Variants in DNAH14 observed in about 807,000 individuals in gnomAD.
DNAH14 encodes the protein axonemal beta dynein heavy chain 14.
A neutral mutation model predicts 520.9 loss-of-function variants in DNAH14; 478 were observed. The ratio of observed to expected loss-of-function variants is 0.92; its 90% CI spans 0.85 to 0.99. The LOEUF (loss-of-function observed/expected upper bound fraction) is 0.99. DNAH14 is among the 50% of genes least tolerant of loss of function. The probability of loss-of-function intolerance (pLI) is 0.00; values close to 1 mark genes in which losing one functional copy is unlikely to be tolerated. For missense variants in DNAH14, 4,831 were observed against 5,234.5 expected (o/e 0.92, Z 2.38); for synonymous variants, 1,581 against 1,757.2 (o/e 0.90, Z 2.51).
At chr1:225,095,605 A>G (rs1440742750) in intron 21 of DNAH14, among the ~76,000 whole-genome samples, 1 of 152,194 alleles carries the variant, frequency 6.6e-6, no homozygotes, top group East Asian at 1.9e-4. Context: ...GTGACACGCA[A>G]TTTACTTGTA....
At chr1:225,148,281 A>G (rs2080137260) in intron 31 of DNAH14, among the ~76,000 whole-genome samples, 1 of 151,560 alleles carries the variant, frequency 6.6e-6, no homozygotes, top group Non-Finnish European at 1.5e-5. Context: ...CTTCTCTACA[A>G]CCTTGTGAGT....
At chr1:225,290,650 T>C (rs1161433727) in intron 55 of DNAH14, among the ~76,000 whole-genome samples, 22 of 15,708 alleles carry the variant, frequency 1.4e-3, no homozygotes, top group Non-Finnish European at 6.6e-4. Context: ...TGTGTGTGTA[T>C]ATATATATAT....
Position 225,391,142 on chromosome 1 carries a change from G to A in DNAH14, c.13331-1149G>A, listed in dbSNP as rs1375593488. The stretch of plus-strand genomic sequence containing the variant: ...ATGATGCCGCTGCAAAGTTGGGCAC[G>A]GCTGGCCCCCAGGGCTGTGTAAGAC... On this transcript the variant is annotated intron_variant, in intron 83 of 85. Coordinates refer to ENST00000682510, the MANE Select transcript of DNAH14 (RefSeq NM_001367479.1). Among the ~76,000 whole-genome samples the A allele has an allele frequency of 4.6e-5, 7 of 152,294 alleles. 1 individual carries two copies. Among genetic ancestry groups the A allele is most frequent in the South Asian group, 4.1e-4 (2 of 4,832 alleles).
At chr1:225,117,488 T>G (rs1378503882) in intron 23 of DNAH14, among the ~76,000 whole-genome samples, 196 bp from the exon 24 acceptor site, 1 of 151,928 alleles carries the variant, frequency 6.6e-6, no homozygotes, top group Non-Finnish European at 1.5e-5. Context: ...TTGTTTTAGT[T>G]TAGCTTTATT....
chr1:225,079,659 T>C (rs2072862446), intron 18 of DNAH14, 111 bp downstream of exon 18: 2 of 657,182 alleles, frequency 3.0e-6, no homozygotes, highest in Non-Finnish European at 2.4e-6. Flanking sequence ...CTAAATAGTT[T>C]AATACAAGTA....
intron 55 of DNAH14, among the ~76,000 whole-genome samples, chr1:225,291,845 AT>A (rs540145256): frequency 8.0e-4 from 121 of 151,952 alleles, no homozygotes; most frequent in Non-Finnish European, 1.4e-3. Context: ...GCATTTATTC[AT>A]TTTTTTGGCC....
chr1:225,041,843 T>C (rs2067508029), intron 12 of DNAH14, among the ~76,000 whole-genome samples: 1 of 152,226 alleles, frequency 6.6e-6, no homozygotes, highest in Non-Finnish European at 1.5e-5. Context: ...GCACATTATA[T>C]ATTTATTAAG....
intron 37 of DNAH14, among the ~76,000 whole-genome samples, chr1:225,189,842 A>G (rs1237307050): frequency 6.6e-6 from 1 of 151,654 alleles, no homozygotes; most frequent in African/African-American, 2.4e-5. Context: ...TATGTCTTGT[A>G]TCTTTTTTGT....
At chr1:225,317,438 T>TTA (rs1354592484) in intron 60 of DNAH14, among the ~76,000 whole-genome samples, 1 of 151,900 alleles carries the variant, frequency 6.6e-6, no homozygotes, top group African/African-American at 2.4e-5. Context: ...TTTATCTTAA[T>TTA]TATATATATG....
chr1:225,027,674 G>A (rs558542842), intron 11 of DNAH14, among the ~76,000 whole-genome samples: 1 of 152,116 alleles, frequency 6.6e-6, no homozygotes, highest in African/African-American at 2.4e-5. Flanking sequence ...GGTCTCATGA[G>A]AACTTACTAT....
rs766119973 is a variant in DNAH14, at chr1:225,335,668, TGC to T, written c.10081-1597_10081-1596del. ...ATGTATATACGCATATATACATATG[TGC>T]ATATATGTATATACGCATATATACA... On this transcript the variant is annotated intron_variant, in intron 66 of 85. Transcript: ENST00000682510. 4.1e-4 allele frequency among the ~76,000 whole-genome samples: 40 copies of T among 97,468 alleles called. 2 individuals are homozygous for T. The highest frequency in any genetic ancestry group is 6.3e-4 in the Non-Finnish European group (30 of 47,520). The allele number at this position is 97,468 out of a possible 152,430, so 63.9% of individuals were successfully genotyped here.
At chr1:225,388,348 A>C in intron 81 of DNAH14, 31 bp from the exon 82 acceptor site, 1 of 1,392,998 alleles carries the variant, frequency 7.2e-7, no homozygotes. Flanking sequence ...CAAAGAAAAA[A>C]AATGATGTGA....
Position 224,960,166 on chromosome 1 carries a change from A to C in DNAH14, c.231A>C (p.Glu77Asp), listed in dbSNP as rs765625626. Residue 77 changes from glutamate to aspartate, a missense_variant, in exon 4 of 86, where the codon GAA (glutamate) becomes GAC (aspartate). Physicochemically the swap from Glu to Asp is conservative, Grantham distance 45 (BLOSUM62 2). Transcript: ENST00000682510. Reference sequence around the variant, plus strand: ...TTTTATTTTCAGATTACCTTAGAGAAAGTATAATTCAACAACATATGGTTT... The same window carrying C: ...TTTTATTTTCAGATTACCTTAGAGACAGTATAATTCAACAACATATGGTTT... ...KSEKTEDYLR[E>D]SIIQQHMVSP... The C allele has an allele frequency of 1.3e-6, 2 of 1,589,330 alleles. No individual in the cohort carries two copies. Among genetic ancestry groups the C allele is most frequent in the Non-Finnish European group, 1.7e-6 (2 of 1,171,612 alleles).
intron 1 of DNAH14, among the ~76,000 whole-genome samples, chr1:224,930,378 A>G (rs2058606769): frequency 6.6e-6 from 1 of 152,226 alleles, no homozygotes; most frequent in South Asian, 2.1e-4. Context: ...ATATGTACAT[A>G]TACAGTCATG....
rs550179575 is a variant in DNAH14 at position 225,101,818 on chromosome 1, C to T, written c.3867+934C>T. The stretch of plus-strand genomic sequence containing the variant: ...TTATTGTGAATAGTGCTTCAATAAA[C>T]ACAGAGTGCAGATATGTCTTCAGTA... On this transcript the variant is annotated intron_variant, in intron 23 of 85. Transcript: ENST00000682510. Among the ~76,000 whole-genome samples, 474 of 152,168 alleles carry T rather than the reference C, an allele frequency of 3.1e-3. 4 individuals are homozygous for T. Among genetic ancestry groups the T allele is most frequent in the African/African-American group, 7.8e-3 (325 of 41,526 alleles).
In DNAH14 at chr1:225,051,803, T is replaced by G; in HGVS notation, c.2424+8T>G. 1 of 1,469,406 alleles carries G rather than the reference T, an allele frequency of 6.8e-7. No homozygotes were observed. The allele number at this position is 1,469,406 out of a possible 1,614,324, so 91.0% of individuals were successfully genotyped here. On this transcript the variant is annotated splice_region_variant and intron_variant, in intron 17 of 85. Coordinates refer to ENST00000682510, the MANE Select transcript of DNAH14 (RefSeq NM_001367479.1). ...AACAAAAATTTATTGGAAGTAAGTA[T>G]TTTGAAAATTCTTATTGTGTAAGAA...
chr1:225,006,129 A>G (rs2064150358), intron 9 of DNAH14, among the ~76,000 whole-genome samples: 1 of 152,148 alleles, frequency 6.6e-6, no homozygotes, highest in African/African-American at 2.4e-5. Flanking sequence ...TGAAGATTTC[A>G]TGGGCATTTA....
intron 77 of DNAH14, among the ~76,000 whole-genome samples, chr1:225,368,375 A>AT (rs1374691578): frequency 6.6e-6 from 1 of 152,222 alleles, no homozygotes; most frequent in Admixed American, 6.5e-5. Context: ...AAACTTGTTA[A>AT]TGTAAGTAAA....
chr1:225,039,877 CAAAAAAAAAAAAAA>C (rs1194328076), intron 12 of DNAH14, among the ~76,000 whole-genome samples: 4 of 48,984 alleles, frequency 8.2e-5, no homozygotes, highest in Non-Finnish European at 1.0e-4. Context: ...GACTCCGTCT[CAAAAAAAAAAAAAA>C]AAAAAAAAAA....
Sources: allele counts gnomAD v4.1 joint callset (sites outside exome capture counted in the v4.1 genomes callset), GRCh38; gene constraint gnomAD v4.1.1; transcripts MANE v1.5; gene names NCBI Gene and HGNC (gene_info 2026-07-23, HGNC 2026-07-21).